Variants in PSIP1 observed in about 807,000 individuals in gnomAD.
PSIP1 encodes the protein PC4 and SRSF1 interacting protein 1, also known as PC4 and SFRS1-interacting protein.
A neutral mutation model predicts 74.7 loss-of-function variants in PSIP1; 19 were observed. The observed-to-expected ratio is 0.25, with a 90% confidence interval of 0.18 to 0.37. The LOEUF (loss-of-function observed/expected upper bound fraction) is 0.37. Among genes scored for constraint, PSIP1 ranks in the 10% least tolerant of loss-of-function variants. The pLI is 1.00. For missense variants in PSIP1, 601 were observed against 614.3 expected (o/e 0.98, Z 0.23); for synonymous variants, 222 against 195.3 (o/e 1.14, Z -1.14).
At chr9:15,497,325 C>CTTTTTTTTTTTTTTTTTTTTTTTTTTTT (rs767922897) in intron 3 of PSIP1, among the ~76,000 whole-genome samples, 17 of 118,558 alleles carry the variant, frequency 1.4e-4, no homozygotes, top group African/African-American at 2.8e-4. Flanking sequence ...TCTATGATTC[C>CTTTTTTTTTTTTTTTTTTTTTTTTTTTT]TTTTTTTTTT....
chr9:15,466,802 TTA>T lies in PSIP1; in HGVS notation c.1476_1477del (p.His492GlnfsTer6). The T allele has an allele frequency of 6.2e-7, 1 of 1,613,672 alleles. No homozygotes were observed. The highest frequency in any genetic ancestry group is 8.5e-7 in the Non-Finnish European group (1 of 1,179,850). ...TTTGCTGTCTTCATTGCTCTCCCCGTTATGTTGTGGCTGATTACCATCTTGAG... is the reference window on the plus strand; with the variant it reads ...TTTGCTGTCTTCATTGCTCTCCCCGTTGTTGTGGCTGATTACCATCTTGAG... On this transcript the variant is annotated frameshift_variant, in exon 15 of 16. Coordinates refer to ENST00000380733, the MANE Select transcript of PSIP1 (RefSeq NM_033222.5). LOFTEE classifies it high-confidence loss of function.
intron 6 of PSIP1, among the ~76,000 whole-genome samples, chr9:15,480,079 C>A (rs1385263227): frequency 6.6e-6 from 1 of 152,152 alleles, no homozygotes; most frequent in African/African-American, 2.4e-5. Flanking sequence ...AGGAGTTATT[C>A]TTATTTCCCG....
In PSIP1 at chr9:15,465,161, GA is replaced by G; in HGVS notation, c.*358del. The stretch of plus-strand genomic sequence containing the variant: ...TATGCACAAAACCCACAGTATTTGG[GA>G]AAAGAGGCAAGGTTTATACAAGTAG... On this transcript the variant is annotated 3_prime_UTR_variant, in exon 16 of 16. Coordinates refer to ENST00000380733, the MANE Select transcript of PSIP1 (RefSeq NM_033222.5). 4.2e-6 allele frequency: 1 copy of G among 240,548 alleles called. No homozygotes were observed. The highest frequency in any genetic ancestry group is 6.1e-5 in the East Asian group (1 of 16,352). The allele number at this position is 240,548 out of a possible 1,614,324, so 14.9% of individuals were successfully genotyped here.
At chr9:15,500,235 G>A (rs1241905769) in intron 3 of PSIP1, among the ~76,000 whole-genome samples, 1 of 152,200 alleles carries the variant, frequency 6.6e-6, no homozygotes, top group Non-Finnish European at 1.5e-5. Flanking sequence ...GGAGGCCGAG[G>A]CAGGAGGATC....
chr9:15,495,306 ATTTT>A lies in PSIP1; in HGVS notation c.150-5186_150-5183del, dbSNP rs1472064836. ...CACAAAGTTACTGTATAAAAGATAA[ATTTT>A]TTTACATGAATCATTTTTCTTAACC... On this transcript the variant is annotated intron_variant, in intron 3 of 15. Coordinates refer to ENST00000380733, the MANE Select transcript of PSIP1 (RefSeq NM_033222.5). Among the ~76,000 whole-genome samples, 3 of 152,272 alleles carry A rather than the reference ATTTT, an allele frequency of 2.0e-5. No individual in the cohort carries two copies. The South Asian group carries it at 6.2e-4, about 32-fold the overall frequency.
intron 2 of PSIP1, 110 bp from the exon 3 acceptor site, chr9:15,506,747 A>G: frequency 1.3e-6 from 1 of 765,394 alleles, no homozygotes. Context: ...AAAATGGGCC[A>G]GTTCTGCAGG....
At chr9:15,503,719 C>T (rs1287120246) in intron 3 of PSIP1, among the ~76,000 whole-genome samples, 8 of 151,170 alleles carry the variant, frequency 5.3e-5, no homozygotes, top group African/African-American at 1.9e-4. Context: ...AAAAGATCAT[C>T]AGAGACCTAG....
intron 3 of PSIP1, among the ~76,000 whole-genome samples, chr9:15,501,473 CTTCAA>C (rs1378649558): frequency 1.3e-5 from 2 of 151,928 alleles, no homozygotes; most frequent in Non-Finnish European, 2.9e-5. Context: ...ATCTAAATGA[CTTCAA>C]ATATCCGAAG....
chr9:15,502,148 T>A (rs184635122), intron 3 of PSIP1, among the ~76,000 whole-genome samples: 3 of 151,810 alleles, frequency 2.0e-5, no homozygotes, highest in East Asian at 3.9e-4. Flanking sequence ...CCCAAAACCA[T>A]CCCCCCAAAC....
chr9:15,470,557 CTA>C, intron 10 of PSIP1: 13 of 909,286 alleles, frequency 1.4e-5, no homozygotes, highest in Non-Finnish European at 1.7e-5. Context: ...ATCTTAATTT[CTA>C]GTACCTTGGC....
At chr9:15,502,978 A>T (rs2037414517) in intron 3 of PSIP1, among the ~76,000 whole-genome samples, 1 of 152,246 alleles carries the variant, frequency 6.6e-6, no homozygotes, top group South Asian at 2.1e-4. Context: ...AAAAAACCTT[A>T]ATCTATAAAC....
intron 6 of PSIP1, among the ~76,000 whole-genome samples, chr9:15,483,974 A>G (rs1340844077): frequency 6.6e-6 from 1 of 151,910 alleles, no homozygotes; most frequent in Non-Finnish European, 1.5e-5. Context: ...CTAAAAATAC[A>G]AAAATTAGCC....
At chr9:15,487,130 G>A (rs1427974182) in intron 4 of PSIP1, among the ~76,000 whole-genome samples, 199 bp from the exon 5 acceptor site, 1 of 150,888 alleles carries the variant, frequency 6.6e-6, no homozygotes, top group Non-Finnish European at 1.5e-5. Context: ...AGCCCAGGAG[G>A]TCGAGGCTGT....
At chr9:15,486,139 A>T in intron 5 of PSIP1, 71 bp from the exon 6 acceptor site, 4 of 1,302,930 alleles carry the variant, frequency 3.1e-6, no homozygotes, top group South Asian at 1.3e-5. Context: ...TGTTAAACTA[A>T]AAGTTACAAG....
intron 8 of PSIP1, among the ~76,000 whole-genome samples, chr9:15,478,197 C>A (rs927978236): frequency 6.6e-6 from 1 of 150,564 alleles, no homozygotes; most frequent in Non-Finnish European, 1.5e-5. Flanking sequence ...CTGAAACATA[C>A]CATCTTGCCC....
At chr9:15,465,784 C>CCCAAA (rs140524451) in intron 15 of PSIP1, 7,662 of 498,690 alleles carry the variant, frequency 0.015, 489 homozygotes, top group African/African-American at 0.14. Context: ...GTATCTTCTT[C>CCCAAA]CCAAAGTAAT....
At position 15,510,279 on chromosome 9, in the gene PSIP1, TACCGGGCCCGCGGG is replaced by T; in HGVS notation, c.-105_-92del. On this transcript the variant is annotated 5_prime_UTR_variant, in exon 2 of 16. Transcript: ENST00000380733. ...TGCGGGCGGCGGACGCGGGCCCAGC[TACCGGGCCCGCGGG>T]CGGGGGAGGATGCCTCGGGGCGTCC... The T allele has an allele frequency of 9.3e-7, 1 of 1,073,838 alleles. No individual in the cohort carries two copies. The highest frequency in any genetic ancestry group is 1.3e-6 in the Non-Finnish European group (1 of 770,898). The allele number at this position is 1,073,838 out of a possible 1,614,324, so 66.5% of individuals were successfully genotyped here.
At chr9:15,484,303 A>ATT (rs552162974) in intron 6 of PSIP1, among the ~76,000 whole-genome samples, 1 of 150,796 alleles carries the variant, frequency 6.6e-6, no homozygotes, top group Non-Finnish European at 1.5e-5. Context: ...CAAAAAAAAA[A>ATT]ATATATATAT....
At chr9:15,475,783 T>C (rs1208330211) in intron 8 of PSIP1, among the ~76,000 whole-genome samples, 3 of 152,188 alleles carry the variant, frequency 2.0e-5, no homozygotes, top group East Asian at 3.8e-4. Flanking sequence ...ATGAGTCTTT[T>C]CCCAGTGGTT....
Sources: gnomAD v4.1 joint callset for allele counts (sites outside exome capture counted in the v4.1 genomes callset) on GRCh38, gnomAD v4.1.1 for gene constraint, MANE v1.5 for transcripts, NCBI Gene and HGNC (gene_info 2026-07-23, HGNC 2026-07-21) for gene names.